CELF4: variants seen among roughly 807,000 people sequenced by gnomAD.
CELF4 encodes CUGBP Elav-like family member 4, also known as CUG-BP- and ETR-3-like factor 4.
Under a neutral mutation model 59.9 loss-of-function variants are expected in CELF4, and 18 were observed. That is an observed-to-expected ratio of 0.30 (90% CI 0.21 to 0.45). The LOEUF (loss-of-function observed/expected upper bound fraction) is 0.45. Among genes scored for constraint, CELF4 ranks in the 20% least tolerant of loss-of-function variants. The probability of loss-of-function intolerance (pLI) is 1.00; values close to 1 mark genes in which losing one functional copy is unlikely to be tolerated. For missense variants in CELF4, 456 were observed against 689.0 expected, an observed-to-expected ratio of 0.66 and a Z score of 3.79; for synonymous variants, 261 against 267.1, an observed-to-expected ratio of 0.98 and a Z score of 0.22.
chr18:37,303,344 A>C (rs1282309965), intron 3 of CELF4, among the ~76,000 whole-genome samples: 1 of 151,676 alleles, frequency 6.6e-6, no homozygotes, highest in Admixed American at 6.6e-5. Context: ...TCCTTCCTCC[A>C]CTCCCCACCC....
intron 1 of CELF4, among the ~76,000 whole-genome samples, chr18:37,502,332 C>G (rs1350295990): frequency 6.6e-6 from 1 of 152,050 alleles, no homozygotes; most frequent in East Asian, 1.9e-4. Flanking sequence ...GAACCGACAG[C>G]CGCAAATAAA....
At chr18:37,368,183 C>T (rs994898189) in intron 2 of CELF4, among the ~76,000 whole-genome samples, 9 of 152,120 alleles carry the variant, frequency 5.9e-5, no homozygotes, top group African/African-American at 1.4e-4. Flanking sequence ...ATCAATCCTT[C>T]GGGCGAGAAC....
rs1298919612 is a variant in CELF4 at position 37,253,543 on chromosome 18, C to T, written c.*44+224G>A. Among the ~76,000 whole-genome samples the T allele has an allele frequency of 6.6e-6, 1 of 152,218 alleles. No homozygotes were observed. Among genetic ancestry groups the T allele is most frequent in the African/African-American group, 2.4e-5 (1 of 41,466 alleles). On this transcript the variant is annotated intron_variant, in intron 12 of 12. Coordinates refer to ENST00000420428, the MANE Select transcript of CELF4 (RefSeq NM_020180.4). The surrounding 1 kb of genome is among the most constrained non-coding windows in gnomAD (Gnocchi z 4.5). ...ACCCGCCCGGAGTGGCTCCCTCACT[C>T]CTGCCCCTGGTGGCCCTGCCACAGG...
At chr18:37,268,075 C>T (rs2078571106) in intron 8 of CELF4, among the ~76,000 whole-genome samples, 1 of 152,096 alleles carries the variant, frequency 6.6e-6, no homozygotes, top group Non-Finnish European at 1.5e-5. Flanking sequence ...CTGAGGGGTG[C>T]CCAGGGAAAA....
At chr18:37,380,080 C>T (rs1045010830) in intron 2 of CELF4, among the ~76,000 whole-genome samples, 8 of 152,144 alleles carry the variant, frequency 5.3e-5, no homozygotes, top group East Asian at 3.9e-4. Context: ...TCCACTCTCC[C>T]GTCCAGTTGT....
chr18:37,408,886 C>T (rs2099411332), intron 2 of CELF4, among the ~76,000 whole-genome samples: 2 of 152,218 alleles, frequency 1.3e-5, no homozygotes, highest in Admixed American at 1.3e-4. Flanking sequence ...TCTCCTAGCT[C>T]TGGTCTTAGG....
chr18:37,264,629 A>T, intron 10 of CELF4, 45 bp downstream of exon 10: 1 of 1,500,580 alleles, frequency 6.7e-7, no homozygotes, highest in Non-Finnish European at 9.1e-7. Flanking sequence ...CTCTTTGGGG[A>T]CAACAGGGGG....
chr18:37,248,024 G>A (rs2063161140), intron 12 of CELF4, among the ~76,000 whole-genome samples: 1 of 152,104 alleles, frequency 6.6e-6, no homozygotes, highest in Admixed American at 6.5e-5. Context: ...TGTCCACGGG[G>A]TCCATCTACA....
intron 2 of CELF4, among the ~76,000 whole-genome samples, chr18:37,351,230 G>A (rs982489999): frequency 3.3e-5 from 5 of 152,140 alleles, no homozygotes; most frequent in South Asian, 4.1e-4. Flanking sequence ...GAAACGACTC[G>A]CCAAAAGTTC....
chr18:37,412,513 G>C (rs370127770), intron 2 of CELF4, among the ~76,000 whole-genome samples: 4 of 152,052 alleles, frequency 2.6e-5, no homozygotes, highest in East Asian at 3.9e-4. Flanking sequence ...TGGATGGATG[G>C]ATGCATGCAT....
chr18:37,296,553 A>G (rs894773), intron 3 of CELF4, among the ~76,000 whole-genome samples: 73,345 of 152,008 alleles, frequency 0.48, 18,144 homozygotes, highest in South Asian at 0.62. Context: ...CAGGACCCTC[A>G]GGACCCTCAT....
chr18:37,474,712 G>A (rs915115548), intron 2 of CELF4, among the ~76,000 whole-genome samples: 7 of 152,254 alleles, frequency 4.6e-5, no homozygotes, highest in African/African-American at 1.7e-4. Flanking sequence ...ATTGGTAGCT[G>A]TCATCGGAGT....
At chr18:37,281,181 G>A (rs1022019426) in intron 3 of CELF4, among the ~76,000 whole-genome samples, 2 of 152,212 alleles carry the variant, frequency 1.3e-5, no homozygotes, top group African/African-American at 4.8e-5. Flanking sequence ...CTTCTCTGCT[G>A]CCCCACCCTA....
intron 3 of CELF4, among the ~76,000 whole-genome samples, chr18:37,313,339 G>A (rs1569558347): frequency 6.6e-6 from 1 of 152,176 alleles, no homozygotes; most frequent in Non-Finnish European, 1.5e-5. Flanking sequence ...GGCTTCCTCA[G>A]CAGAGCTCTG....
At chr18:37,256,778 G>A (rs918217138) in intron 11 of CELF4, among the ~76,000 whole-genome samples, 1 of 151,910 alleles carries the variant, frequency 6.6e-6, no homozygotes, top group Non-Finnish European at 1.5e-5. Context: ...AGAGATGGAG[G>A]TTCACCATGT....
Position 37,274,372 on chromosome 18 carries a change from T to C in CELF4, c.740A>G (p.Gln247Arg). Residue 247 changes from glutamine to arginine, a missense_variant, in exon 6 of 13, where the codon CAG (glutamine) becomes CGG (arginine). By Grantham distance (43) the Gln-to-Arg change is conservative. Coordinates refer to ENST00000420428, the MANE Select transcript of CELF4 (RefSeq NM_020180.4). ...GGCCATGGGGTTGAACATGCCCATCTGGCCAGCCATCTGCTGCATTCGCCG... is the reference window on the plus strand; with the variant it reads ...GGCCATGGGGTTGAACATGCCCATCCGGCCAGCCATCTGCTGCATTCGCCG... ...TMRRMQQMAG[Q>R]MGMFNPMAIP... 1 of 1,613,578 alleles carries C rather than the reference T, an allele frequency of 6.2e-7. No homozygotes were observed.
At chr18:37,323,488 A>G (rs1216595319) in intron 2 of CELF4, among the ~76,000 whole-genome samples, 1 of 152,182 alleles carries the variant, frequency 6.6e-6, no homozygotes, top group Non-Finnish European at 1.5e-5. Context: ...TTTGAGGGAA[A>G]GATCCAGAAG....
chr18:37,307,268 A>C (rs371004396), intron 3 of CELF4, among the ~76,000 whole-genome samples: 1 of 152,212 alleles, frequency 6.6e-6, no homozygotes, highest in African/African-American at 2.4e-5. Flanking sequence ...CAAATGAAGG[A>C]GAAATCACAG....
At position 37,537,366 on chromosome 18, in the gene CELF4, G is replaced by A. The variant is rs1021881494; in HGVS notation, c.286+27990C>T. On this transcript the variant is annotated intron_variant, in intron 1 of 12. Coordinates refer to ENST00000420428, the MANE Select transcript of CELF4 (RefSeq NM_020180.4). Reference sequence around the variant, plus strand: ...TACACGCTGAGAGCCTGGCATTCTCGGAGGAGAATGGTGCTCTCTATCCAA... The same window carrying A: ...TACACGCTGAGAGCCTGGCATTCTCAGAGGAGAATGGTGCTCTCTATCCAA... 3.9e-5 allele frequency among the ~76,000 whole-genome samples: 6 copies of A among 152,154 alleles called. No homozygotes were observed. The South Asian group carries it at 1.0e-3, about 26-fold the overall frequency.
Sources: gnomAD v4.1 joint callset for allele counts (sites outside exome capture counted in the v4.1 genomes callset) on GRCh38, gnomAD v4.1.1 for gene constraint, Gnocchi (gnomAD v3.1) non-coding constraint, MANE v1.5 for transcripts, NCBI Gene and HGNC (gene_info 2026-07-23, HGNC 2026-07-21) for gene names.